CLVS1: variants seen among roughly 807,000 people sequenced by gnomAD.
CLVS1 encodes clavesin-1.
In CLVS1, 10 loss-of-function variants were observed where a neutral mutation model predicts 33.1. The observed-to-expected ratio is 0.30, with a 90% CI of 0.19 to 0.51. The LOEUF is 0.51. Among genes scored for constraint, CLVS1 ranks in the 20% least tolerant of loss-of-function variants. The pLI, the probability that CLVS1 is intolerant of heterozygous loss-of-function variation, is 0.97. For missense variants in CLVS1, 343 were observed against 433.4 expected, an observed-to-expected ratio of 0.79 and a Z score of 1.85; for synonymous variants, 163 against 166.1, an observed-to-expected ratio of 0.98 and a Z score of 0.14.
chr8:60,986,994 A>T, the CLVS1 span, among the ~76,000 whole-genome samples: 1 of 152,218 alleles, frequency 6.6e-6, no homozygotes, highest in South Asian at 2.1e-4. Flanking sequence ...TTGCTCATGC[A>T]TTCATTCAGT....
chr8:61,426,236 C>T (rs1815887239), intron 3 of CLVS1, among the ~76,000 whole-genome samples: 1 of 152,202 alleles, frequency 6.6e-6, no homozygotes, highest in South Asian at 2.1e-4. Flanking sequence ...CCTTAATATA[C>T]TCAAGTCATT....
chr8:61,239,748 AT>A (rs1808653228), intron 2 of CLVS1, among the ~76,000 whole-genome samples: 1 of 152,264 alleles, frequency 6.6e-6, no homozygotes, highest in South Asian at 2.1e-4. Context: ...AAAAGTAATT[AT>A]TTTTTCAATA....
At chr8:60,971,071 CTTTTTTTTTTTTTT>C in the CLVS1 span, among the ~76,000 whole-genome samples, 1 of 91,052 alleles carries the variant, frequency 1.1e-5, no homozygotes, top group Non-Finnish European at 2.0e-5. Flanking sequence ...ATGACTTTTC[CTTTTTTTTTTTTTT>C]TTTTTTTTGA....
intron 5 of CLVS1, among the ~76,000 whole-genome samples, chr8:61,497,442 T>TG (rs59855401): frequency 0.27 from 34,906 of 127,020 alleles, 6,098 homozygotes; most frequent in African/African-American, 0.49. Context: ...AGGTTTTTAT[T>TG]GGGGGGGGGG....
At chr8:60,989,656 A>G in the CLVS1 span, among the ~76,000 whole-genome samples, 1 of 152,156 alleles carries the variant, frequency 6.6e-6, no homozygotes, top group Middle Eastern at 3.2e-3. Context: ...GTATAATCAA[A>G]TCTCCACAAA....
intron 2 of CLVS1, among the ~76,000 whole-genome samples, chr8:61,173,648 T>G (rs886429416): frequency 2.0e-5 from 3 of 152,212 alleles, no homozygotes; most frequent in African/African-American, 7.2e-5. Flanking sequence ...TATCACAGCA[T>G]ATTGCCTAGA....
At chr8:61,183,718 C>T (rs765898024) in intron 2 of CLVS1, among the ~76,000 whole-genome samples, 8 of 152,052 alleles carry the variant, frequency 5.3e-5, no homozygotes, top group African/African-American at 1.9e-4. Context: ...TTTGCAACTC[C>T]TATTTCTCAC....
rs757007813 is a variant in CLVS1 at position 61,081,166 on chromosome 8, C to T, written c.-243+23936C>T. ...TTTCTGAGGAGGCACTGAAATGATC[C>T]AAGTTGTGCTTTGCTGCTAGGACTG... On this transcript the variant is annotated intron_variant, in intron 1 of 2. Coordinates refer to the CLVS1 transcript ENST00000522621. Among the ~76,000 whole-genome samples, 3 of 152,084 alleles carry T rather than the reference C, an allele frequency of 2.0e-5. No individual in the cohort carries two copies. The South Asian group carries it at 6.2e-4, about 32-fold the overall frequency.
chr8:61,408,165 C>T (rs1229319504), intron 3 of CLVS1, among the ~76,000 whole-genome samples: 1 of 152,024 alleles, frequency 6.6e-6, no homozygotes, highest in African/African-American at 2.4e-5. Context: ...AAATGATAAA[C>T]AAGTAAGCAA....
At chr8:61,410,364 T>A (rs1051507764) in intron 3 of CLVS1, among the ~76,000 whole-genome samples, 2 of 152,232 alleles carry the variant, frequency 1.3e-5, no homozygotes, top group Non-Finnish European at 2.9e-5. Context: ...TACTTGTGTC[T>A]ATTCATGTAG....
At chr8:61,138,792 T>C (rs542080483) in intron 2 of CLVS1, among the ~76,000 whole-genome samples, 34 of 152,254 alleles carry the variant, frequency 2.2e-4, no homozygotes, top group Middle Eastern at 6.8e-3. Flanking sequence ...GCGTCACATC[T>C]CATGGGGAAA....
intron 3 of CLVS1, among the ~76,000 whole-genome samples, chr8:61,429,476 A>C (rs920692835): frequency 6.6e-6 from 1 of 151,708 alleles, no homozygotes; most frequent in Non-Finnish European, 1.5e-5. Flanking sequence ...TTAAAATTGT[A>C]AAATTCATCT....
intron 2 of CLVS1, among the ~76,000 whole-genome samples, chr8:61,336,645 G>A (rs1811817960): frequency 6.6e-6 from 1 of 152,144 alleles, no homozygotes; most frequent in Non-Finnish European, 1.5e-5. Context: ...GAGACTTACA[G>A]AAGCTAGTCA....
intron 2 of CLVS1, among the ~76,000 whole-genome samples, chr8:61,188,529 G>A (rs1403287151): frequency 1.3e-5 from 2 of 152,076 alleles, no homozygotes; most frequent in African/African-American, 2.4e-5. Flanking sequence ...CTTGAAACTA[G>A]TATTATTCTT....
At chr8:61,063,936 T>C (rs1804630599) in intron 1 of CLVS1, among the ~76,000 whole-genome samples, 3 of 152,226 alleles carry the variant, frequency 2.0e-5, no homozygotes, top group Non-Finnish European at 4.4e-5. Flanking sequence ...TCTCTATGAA[T>C]TTGCCTATTC....
intron 2 of CLVS1, among the ~76,000 whole-genome samples, chr8:61,169,427 C>G (rs760372343): frequency 1.3e-5 from 2 of 152,064 alleles, no homozygotes; most frequent in South Asian, 2.1e-4. Flanking sequence ...GAAATCTTAT[C>G]AAATAGCCAG....
chr8:61,324,890 A>G (rs531566229), intron 2 of CLVS1, among the ~76,000 whole-genome samples: 74 of 152,258 alleles, frequency 4.9e-4, no homozygotes, highest in South Asian at 1.2e-3. Context: ...TTTGTGGACT[A>G]AAATGTCAAG....
chr8:61,026,859 C>T, the CLVS1 span, among the ~76,000 whole-genome samples: 1 of 152,112 alleles, frequency 6.6e-6, no homozygotes, highest in Non-Finnish European at 1.5e-5. Context: ...AGAGGTATTA[C>T]CACACCTGTC....
intron 2 of CLVS1, among the ~76,000 whole-genome samples, chr8:61,374,994 G>T (rs1023987363): frequency 1.3e-5 from 2 of 151,986 alleles, no homozygotes; most frequent in African/African-American, 4.8e-5. Context: ...AAAAAGTCTT[G>T]CTCCCCCTTT....
Sources: allele counts gnomAD v4.1 joint callset (sites outside exome capture counted in the v4.1 genomes callset), GRCh38; gene constraint gnomAD v4.1.1; transcripts MANE v1.5; gene names NCBI Gene and HGNC (gene_info 2026-07-23, HGNC 2026-07-21).